The following EYS variants were observed in gnomAD, a reference collection of about 807,000 sequenced individuals.
EYS encodes protein eyes shut homolog.
EYS carries 250 observed loss-of-function variants against 282.1 expected under a neutral mutation model. The ratio of observed to expected loss-of-function variants is 0.89; its 90% confidence interval spans 0.80 to 0.98. EYS has a LOEUF of 0.98. Among genes scored for constraint, EYS ranks in the 50% least tolerant of loss-of-function variants. The pLI is 0.00. For synonymous variants in EYS, 1,355 were observed against 1,282.9 expected, an observed-to-expected ratio of 1.06 and a Z score of -1.20; for missense variants, 4,016 against 3,709.0, an observed-to-expected ratio of 1.08 and a Z score of -2.15.
At chr6:64,795,730 T>C (rs1211330165) in intron 22 of EYS, among the ~76,000 whole-genome samples, 1 of 152,206 alleles carries the variant, frequency 6.6e-6, no homozygotes, top group Non-Finnish European at 1.5e-5. Context: ...AGTGGGCAGG[T>C]AAACTCAATG....
chr6:65,700,411 G>T (rs1769632895), intron 1 of EYS, among the ~76,000 whole-genome samples: 1 of 152,074 alleles, frequency 6.6e-6, no homozygotes, highest in African/African-American at 2.4e-5. Flanking sequence ...AATCAAGTAG[G>T]CTACACCAGA....
intron 35 of EYS, among the ~76,000 whole-genome samples, chr6:63,963,349 T>C (rs1270517308): frequency 2.0e-5 from 3 of 151,936 alleles, no homozygotes; most frequent in African/African-American, 7.3e-5. Context: ...TTTAACTTTA[T>C]AAAAGAAAAT....
chr6:65,326,636 A>G (rs1769630098), intron 11 of EYS, among the ~76,000 whole-genome samples: 1 of 151,648 alleles, frequency 6.6e-6, no homozygotes, highest in Non-Finnish European at 1.5e-5. Flanking sequence ...GAATTTATAT[A>G]TGAATTTAGA....
At chr6:65,078,723 A>G (rs757418738) in intron 12 of EYS, among the ~76,000 whole-genome samples, 2 of 151,992 alleles carry the variant, frequency 1.3e-5, no homozygotes, top group Non-Finnish European at 2.9e-5. Context: ...AAGAACATTA[A>G]AATAGTTTGG....
chr6:65,622,359 C>A (rs192131581), intron 2 of EYS, among the ~76,000 whole-genome samples: 2 of 152,122 alleles, frequency 1.3e-5, no homozygotes, highest in African/African-American at 4.8e-5. Flanking sequence ...AATACATCAA[C>A]TTTTTATAAA....
At chr6:65,663,217 T>G (rs548434584) in intron 1 of EYS, among the ~76,000 whole-genome samples, 1 of 152,260 alleles carries the variant, frequency 6.6e-6, no homozygotes, top group South Asian at 2.1e-4. Context: ...CATGCTAGTT[T>G]AGAAGTATGT....
Position 64,972,101 on chromosome 6 carries a change from T to C in EYS, c.2259+25481A>G, listed in dbSNP as rs141124462. Among the ~76,000 whole-genome samples the C allele has an allele frequency of 3.2e-3, 488 of 152,122 alleles. 1 individual carries two copies. The highest frequency in any genetic ancestry group is 0.028 in the Admixed American group (427 of 15,258). On this transcript the variant is annotated intron_variant, in intron 14 of 42. Transcript: ENST00000503581. ...GCTAACACACACCACACCAAACAAA[T>C]TAGCAGAAGACCACCTGATGATGAT...
intron 11 of EYS, among the ~76,000 whole-genome samples, chr6:65,316,821 G>A (rs1769307116): frequency 4.6e-5 from 7 of 152,190 alleles, no homozygotes; most frequent in Admixed American, 4.6e-4. Context: ...ATCCTTTGTT[G>A]TGGCTGCATA....
At chr6:64,035,056 C>T (rs1051101817) in intron 33 of EYS, among the ~76,000 whole-genome samples, 1 of 152,156 alleles carries the variant, frequency 6.6e-6, no homozygotes. Flanking sequence ...AGGCTACTGA[C>T]ATGTAGCATA....
At chr6:65,471,151 C>G (rs1311075219) in intron 5 of EYS, among the ~76,000 whole-genome samples, 1 of 138,044 alleles carries the variant, frequency 7.2e-6, no homozygotes, top group South Asian at 2.3e-4. Context: ...AACAAACAAA[C>G]AAAAACGAAA....
At chr6:64,267,418 T>A (rs73766041) in intron 30 of EYS, among the ~76,000 whole-genome samples, 8,731 of 152,188 alleles carry the variant, frequency 0.057, 816 homozygotes, top group African/African-American at 0.2. Context: ...CCTAGCCATG[T>A]GTTCTGTCTG....
intron 26 of EYS, 95 bp from the exon 27 acceptor site, chr6:64,439,447 C>A: frequency 1.3e-6 from 1 of 745,332 alleles, no homozygotes; most frequent in South Asian, 2.5e-5. Context: ...TCTCTAATGA[C>A]TCATACGTCT....
intron 2 of EYS, among the ~76,000 whole-genome samples, chr6:65,633,572 G>C (rs1265257237): frequency 6.6e-6 from 1 of 152,178 alleles, no homozygotes; most frequent in East Asian, 1.9e-4. Flanking sequence ...AGTTCACACT[G>C]GTATTAAGTG....
chr6:64,169,595 G>C (rs1449576836), intron 31 of EYS, among the ~76,000 whole-genome samples: 1 of 152,136 alleles, frequency 6.6e-6, no homozygotes, highest in Non-Finnish European at 1.5e-5. Context: ...GATGGAGAGA[G>C]TTGAATGGAG....
intron 22 of EYS, among the ~76,000 whole-genome samples, chr6:64,684,496 T>C (rs899635692): frequency 6.6e-6 from 1 of 152,008 alleles, no homozygotes; most frequent in African/African-American, 2.4e-5. Context: ...GCACCAGATA[T>C]GGCAAATTTG....
rs1562186291 is a variant in EYS at position 65,443,334 on chromosome 6, GTATGTACACATATAGACATATATGCATA to G, written c.863-37995_863-37968del. Among the ~76,000 whole-genome samples the G allele has an allele frequency of 2.6e-4, 29 of 113,396 alleles. 8 individuals are homozygous for G. Among genetic ancestry groups the G allele is most frequent in the Non-Finnish European group, 4.4e-4 (21 of 47,476 alleles). The allele number at this position is 113,396 out of a possible 152,430, so 74.4% of individuals were successfully genotyped here. The stretch of plus-strand genomic sequence containing the variant: ...CACATATAGACATATATGCATACAT[GTATGTACACATATAGACATATATGCATA>G]CATGTATGTACACATATAGACATAT... On this transcript the variant is annotated intron_variant, in intron 5 of 42. Coordinates refer to ENST00000503581, the MANE Select transcript of EYS (RefSeq NM_001142800.2).
chr6:63,779,222 G>A (rs1770143584), intron 39 of EYS: 1 of 151,936 alleles, frequency 6.6e-6, no homozygotes, highest in South Asian at 2.1e-4. Flanking sequence ...ACTTTGGGAG[G>A]CCGAGGCGGG....
At chr6:65,702,408 T>C (rs1172405410) in intron 1 of EYS, among the ~76,000 whole-genome samples, 1 of 152,194 alleles carries the variant, frequency 6.6e-6, no homozygotes, top group African/African-American at 2.4e-5. Context: ...GCATATAAGG[T>C]GGCCAGGTGC....
At position 64,428,232 on chromosome 6, in the gene EYS, A is replaced by T. The variant is rs1049965498; in HGVS notation, c.5927+7942T>A. On this transcript the variant is annotated intron_variant, in intron 28 of 42. Coordinates refer to ENST00000503581, the MANE Select transcript of EYS (RefSeq NM_001142800.2). ...AGGAAGGCTTTCTGAAACTGTGGTT[A>T]ATATAACCTTGTTTTATTTTTTAGC... is the stretch of plus-strand genomic sequence containing the variant. Among the ~76,000 whole-genome samples the T allele has an allele frequency of 4.6e-5, 7 of 152,262 alleles. No homozygotes were observed. The East Asian group carries it at 1.2e-3, about 25-fold the overall frequency.
Sources: allele counts gnomAD v4.1 joint callset (sites outside exome capture counted in the v4.1 genomes callset), GRCh38; gene constraint gnomAD v4.1.1; transcripts MANE v1.5; gene names NCBI Gene and HGNC (gene_info 2026-07-23, HGNC 2026-07-21).